RIN2: variants seen among roughly 807,000 people sequenced by gnomAD.
RIN2 encodes Ras and Rab interactor 2.
A neutral mutation model predicts 78.0 loss-of-function variants in RIN2; 36 were observed. The ratio of observed to expected loss-of-function variants is 0.46; its 90% CI spans 0.35 to 0.61. The LOEUF is 0.61. Ranked by LOEUF, RIN2 falls within the 20% of genes least tolerant of loss-of-function variation. The pLI, the probability that RIN2 is intolerant of heterozygous loss-of-function variation, is 0.00. For missense variants in RIN2, 1,087 were observed against 1,159.7 expected, an observed-to-expected ratio of 0.94 and a Z score of 0.91; for synonymous variants, 466 against 466.8, an observed-to-expected ratio of 1.00 and a Z score of 0.02.
At chr20:19,895,424 C>T (rs1338896729) in intron 3 of RIN2, among the ~76,000 whole-genome samples, 1 of 152,172 alleles carries the variant, frequency 6.6e-6, no homozygotes, top group Non-Finnish European at 1.5e-5. Flanking sequence ...CTGCCCTCCC[C>T]AGCCTCAAGT....
intron 2 of RIN2, chr20:19,823,676 T>C: frequency 1.3e-6 from 2 of 1,581,014 alleles, no homozygotes; most frequent in South Asian, 2.2e-5. Flanking sequence ...TTTCTGTCTC[T>C]TGGTGGTTCC....
intron 1 of RIN2, among the ~76,000 whole-genome samples, chr20:19,784,274 G>C (rs1444169928): frequency 2.0e-5 from 3 of 152,154 alleles, no homozygotes; most frequent in Non-Finnish European, 4.4e-5. Context: ...TCTAAGAATT[G>C]TAGCTTCAAG....
intron 2 of RIN2, among the ~76,000 whole-genome samples, chr20:19,822,016 C>T (rs1201195422): frequency 1.3e-5 from 2 of 152,166 alleles, no homozygotes; most frequent in African/African-American, 4.8e-5. Context: ...AAGGTGAAAC[C>T]AGAGTTAAAC....
At chr20:19,917,225 G>T (rs1291111077) in intron 3 of RIN2, among the ~76,000 whole-genome samples, 1 of 152,014 alleles carries the variant, frequency 6.6e-6, no homozygotes, top group Non-Finnish European at 1.5e-5. Context: ...CTGTGCCACG[G>T]TCATCCACCG....
chr20:19,776,630 G>A (rs2034319680), intron 1 of RIN2, among the ~76,000 whole-genome samples: 2 of 152,000 alleles, frequency 1.3e-5, no homozygotes, highest in South Asian at 4.1e-4. Context: ...TACTCGGGAG[G>A]CTGAGGTGGA....
chr20:19,988,445 T>C (rs943274647), intron 9 of RIN2, among the ~76,000 whole-genome samples: 1 of 152,192 alleles, frequency 6.6e-6, no homozygotes, highest in Non-Finnish European at 1.5e-5. Context: ...TGATCTTATA[T>C]GTAAGTGGAC....
At chr20:19,930,149 G>T (rs962118111) in intron 3 of RIN2, among the ~76,000 whole-genome samples, 2 of 152,176 alleles carry the variant, frequency 1.3e-5, no homozygotes, top group Admixed American at 1.3e-4. Flanking sequence ...GCAGGGAAGG[G>T]TCCACAGCGA....
In RIN2 at chr20:19,935,757, G is replaced by A. The variant is rs149996305; in HGVS notation, c.158+558G>A. 2.7e-3 allele frequency: 892 copies of A among 334,156 alleles called. 7 individuals carry two copies. Among genetic ancestry groups the A allele is most frequent in the African/African-American group, 0.019 (828 of 44,404 alleles). 20.7% of individuals were successfully genotyped at this position (334,156 alleles called of 1,614,324 possible). Reference sequence around the variant, plus strand: ...GATACCTGTGCACATACTGCACACCGTCTGAATAGGAGGCAAGGGACTGGT... The same window carrying A: ...GATACCTGTGCACATACTGCACACCATCTGAATAGGAGGCAAGGGACTGGT... On this transcript the variant is annotated intron_variant, in intron 4 of 12. Transcript: ENST00000255006.
At chr20:19,851,637 G>T (rs1440004282) in intron 2 of RIN2, among the ~76,000 whole-genome samples, 1 of 152,054 alleles carries the variant, frequency 6.6e-6, no homozygotes, top group African/African-American at 2.4e-5. Flanking sequence ...TGGGAAGATC[G>T]CTTAAGCCTA....
chr20:19,763,406 A>AG (rs1184302726), intron 1 of RIN2, among the ~76,000 whole-genome samples: 1 of 152,094 alleles, frequency 6.6e-6, no homozygotes, highest in Non-Finnish European at 1.5e-5. Context: ...TAAATAAATA[A>AG]ATAAGATATA....
At chr20:19,959,119 G>A (rs1449483638) in intron 5 of RIN2, among the ~76,000 whole-genome samples, 2 of 152,188 alleles carry the variant, frequency 1.3e-5, no homozygotes, top group African/African-American at 2.4e-5. Context: ...CTATTGTCAT[G>A]CAAAAGCAGC....
intron 10 of RIN2, 122 bp downstream of exon 10, chr20:19,990,433 T>C: frequency 1.1e-6 from 1 of 910,544 alleles, no homozygotes; most frequent in Non-Finnish European, 1.6e-6. Flanking sequence ...TTTCACCAAG[T>C]GGCTTACAGA....
intron 2 of RIN2, among the ~76,000 whole-genome samples, chr20:19,849,849 A>C (rs2036905358): frequency 1.3e-5 from 2 of 152,206 alleles, no homozygotes; most frequent in South Asian, 4.1e-4. Flanking sequence ...ATGCCTCAAA[A>C]CAGCAGCCTC....
chr20:19,956,574 G>T, intron 4 of RIN2, 41 bp from the exon 5 acceptor site: 1 of 1,586,660 alleles, frequency 6.3e-7, no homozygotes, highest in Non-Finnish European at 8.6e-7. Context: ...TAGGGAAATG[G>T]TACTGCAGCC....
At chr20:19,798,361 C>A (rs2035128454) in intron 1 of RIN2, among the ~76,000 whole-genome samples, 2 of 151,992 alleles carry the variant, frequency 1.3e-5, no homozygotes, top group South Asian at 4.1e-4. Flanking sequence ...AGAAAGCTAA[C>A]ATGGACCCAG....
At chr20:19,997,340 A>G (rs1023301130) in intron 12 of RIN2, among the ~76,000 whole-genome samples, 1 of 152,218 alleles carries the variant, frequency 6.6e-6, no homozygotes, top group African/African-American at 2.4e-5. Context: ...CCAGGCGAGC[A>G]TCTGAGCGAG....
intron 2 of RIN2, among the ~76,000 whole-genome samples, chr20:19,837,210 A>ACG (rs1453254513): frequency 6.7e-6 from 1 of 148,164 alleles, no homozygotes; most frequent in Non-Finnish European, 1.5e-5. Flanking sequence ...ACACACACAC[A>ACG]CAGAGTGAAT....
rs115960431 is a variant in RIN2, at chr20:19,811,634, A to G, written c.-37+11887A>G. On this transcript the variant is annotated intron_variant, in intron 2 of 12. Transcript: ENST00000255006. Reference sequence around the variant, plus strand: ...TTTTAAAACTGAACGCAGAAACTGTATGCCTACAAGGTCTTTGGTCTGAAT... The same window carrying G: ...TTTTAAAACTGAACGCAGAAACTGTGTGCCTACAAGGTCTTTGGTCTGAAT... Among the ~76,000 whole-genome samples, 884 of 152,316 alleles carry G rather than the reference A, an allele frequency of 5.8e-3. 17 individuals carry two copies. The highest frequency in any genetic ancestry group is 0.02 in the African/African-American group (812 of 41,564).
chr20:19,913,505 G>A (rs1157838767), intron 3 of RIN2, among the ~76,000 whole-genome samples: 1 of 152,088 alleles, frequency 6.6e-6, no homozygotes, highest in African/African-American at 2.4e-5. Flanking sequence ...TCATATTGTT[G>A]TGCAACCATC....
Sources: allele counts gnomAD v4.1 joint callset (sites outside exome capture counted in the v4.1 genomes callset), GRCh38; gene constraint gnomAD v4.1.1; transcripts MANE v1.5; gene names NCBI Gene and HGNC (gene_info 2026-07-23, HGNC 2026-07-21).